Variants in COG5 observed in about 807,000 individuals in gnomAD.
COG5 encodes conserved oligomeric Golgi complex subunit 5.
A neutral mutation model predicts 110.4 loss-of-function variants in COG5; 86 were observed. The ratio of observed to expected loss-of-function variants is 0.78; its 90% CI spans 0.65 to 0.93. The LOEUF (loss-of-function observed/expected upper bound fraction) is 0.93. Among genes scored for constraint, COG5 ranks in the 40% least tolerant of loss-of-function variants. The pLI is 0.00. For missense variants in COG5, 1,077 were observed against 987.0 expected, an observed-to-expected ratio of 1.09 and a Z score of -1.22; for synonymous variants, 360 against 334.6, an observed-to-expected ratio of 1.08 and a Z score of -0.83.
chr7:107,335,158 G>A (rs1005380714), intron 10 of COG5, among the ~76,000 whole-genome samples: 4 of 152,160 alleles, frequency 2.6e-5, no homozygotes, highest in Admixed American at 6.5e-5. Context: ...TGTCATCTAA[G>A]TTGTCATCTC....
chr7:107,333,021 G>T (rs190654006), intron 10 of COG5, among the ~76,000 whole-genome samples: 3 of 152,224 alleles, frequency 2.0e-5, no homozygotes, highest in East Asian at 1.9e-4. Flanking sequence ...TTCTAAGTCA[G>T]TGTGCTTACT....
chr7:107,464,348 T>C (rs1216732582), intron 6 of COG5, among the ~76,000 whole-genome samples: 5 of 152,130 alleles, frequency 3.3e-5, no homozygotes, highest in Non-Finnish European at 1.5e-5. Context: ...TTTGTTGATA[T>C]AATAATAATT....
intron 10 of COG5, among the ~76,000 whole-genome samples, chr7:107,333,525 T>C (rs1810448717): frequency 6.6e-6 from 1 of 152,150 alleles, no homozygotes; most frequent in Non-Finnish European, 1.5e-5. Flanking sequence ...TGCAATCAAC[T>C]TTTTGTTTTA....
At chr7:107,326,753 G>A (rs900183143) in intron 10 of COG5, among the ~76,000 whole-genome samples, 1 of 152,110 alleles carries the variant, frequency 6.6e-6, no homozygotes, top group Non-Finnish European at 1.5e-5. Flanking sequence ...AAATCTCAAT[G>A]GCATTTTTGC....
chr7:107,548,130 G>A lies in COG5; in HGVS notation c.398C>T (p.Ala133Val). The A allele has an allele frequency of 6.2e-7, 1 of 1,613,620 alleles. No homozygotes were observed. Among genetic ancestry groups the A allele is most frequent in the African/African-American group, 1.3e-5 (1 of 75,020 alleles). Residue 133 changes from alanine (A) to valine (V), a missense_variant, in exon 5 of 22, where the codon GCA becomes GTA. Transcript: ENST00000297135. ...AACTACCTGAAGTCTTGCTAGTTGT[G>A]CAGTCCGGGCAACTATCTTATTGTA... ...EPYNKIVARTAQLARLQVACD... is the reference protein window; with the variant it reads ...EPYNKIVARTVQLARLQVACD...
intron 7 of COG5, among the ~76,000 whole-genome samples, chr7:107,373,999 T>G (rs1182350384): frequency 6.6e-6 from 1 of 152,204 alleles, no homozygotes; most frequent in African/African-American, 2.4e-5. Flanking sequence ...ACATGGCTGG[T>G]GAATAACAAT....
At chr7:107,311,315 GTC>G (rs1003904803) in intron 11 of COG5, among the ~76,000 whole-genome samples, 37 of 143,658 alleles carry the variant, frequency 2.6e-4, no homozygotes, top group African/African-American at 9.1e-4. Context: ...GAGAAATAAT[GTC>G]TCTCTGTACG....
chr7:107,426,537 T>C (rs533108210), intron 6 of COG5, among the ~76,000 whole-genome samples: 5 of 152,312 alleles, frequency 3.3e-5, no homozygotes, highest in South Asian at 4.1e-4. Context: ...TTCTGGGCTG[T>C]AGGCTTGTAT....
At chr7:107,243,886 C>A (rs1453232203) in intron 17 of COG5, among the ~76,000 whole-genome samples, 1 of 152,158 alleles carries the variant, frequency 6.6e-6, no homozygotes, top group Non-Finnish European at 1.5e-5. Context: ...CATGCAATTA[C>A]ATGGAAATTA....
intron 6 of COG5, among the ~76,000 whole-genome samples, chr7:107,508,141 G>T (rs1015166881): frequency 1.3e-5 from 2 of 152,250 alleles, no homozygotes; most frequent in African/African-American, 2.4e-5. Flanking sequence ...AAAGAAAGGG[G>T]TGACAGAAGG....
chr7:107,213,912 T>C (rs140289030), intron 19 of COG5, among the ~76,000 whole-genome samples: 2,212 of 152,212 alleles, frequency 0.015, 23 homozygotes, highest in Non-Finnish European at 0.023. Flanking sequence ...GCTCTAATAA[T>C]GGACCCTAAA....
At chr7:107,346,803 T>C (rs565824352) in intron 10 of COG5, among the ~76,000 whole-genome samples, 2 of 152,212 alleles carry the variant, frequency 1.3e-5, no homozygotes, top group East Asian at 3.9e-4. Flanking sequence ...GCTGCACCCA[T>C]TAACTTGTCA....
chr7:107,241,469 T>C (rs940326791), intron 17 of COG5, among the ~76,000 whole-genome samples: 1 of 150,304 alleles, frequency 6.7e-6, no homozygotes, highest in African/African-American at 2.4e-5. Flanking sequence ...TTATTTTTTT[T>C]TGATACAGAG....
At chr7:107,380,569 T>C (rs1010329610) in intron 7 of COG5, among the ~76,000 whole-genome samples, 1 of 151,984 alleles carries the variant, frequency 6.6e-6, no homozygotes, top group African/African-American at 2.4e-5. Context: ...CTAGAAGAAA[T>C]GGATAAATTC....
At chr7:107,241,761 T>C (rs117756583) in intron 17 of COG5, among the ~76,000 whole-genome samples, 2,264 of 152,170 alleles carry the variant, frequency 0.015, 28 homozygotes, top group Non-Finnish European at 0.022. Flanking sequence ...CTGTGCTTCA[T>C]ATATTTTTTA....
chr7:107,295,098 TA>T lies in COG5; in HGVS notation c.1313+3043del, dbSNP rs1264538266. On this transcript the variant is annotated intron_variant, in intron 12 of 21. Transcript: ENST00000297135. ...ATATATATATATATATATATATATATATATTTTTTTTTTTTTTTTGTAGAGT... is the reference window on the plus strand; with the variant it reads ...ATATATATATATATATATATATATATTATTTTTTTTTTTTTTTTGTAGAGT... Among the ~76,000 whole-genome samples the T allele has an allele frequency of 5.0e-3, 343 of 68,310 alleles. 1 individual carries two copies. The highest frequency in any genetic ancestry group is 0.013 in the African/African-American group (213 of 15,900). 44.8% of individuals were successfully genotyped at this position (68,310 alleles called of 152,430 possible).
At chr7:107,362,814 T>TAA (rs201643911) in intron 8 of COG5, among the ~76,000 whole-genome samples, 261 of 138,176 alleles carry the variant, frequency 1.9e-3, no homozygotes, top group African/African-American at 6.0e-3. Flanking sequence ...TCCCCTTTCT[T>TAA]AAAAAAAAAA....
intron 7 of COG5, among the ~76,000 whole-genome samples, chr7:107,395,262 G>A (rs1411509428): frequency 2.0e-5 from 3 of 152,046 alleles, no homozygotes; most frequent in Non-Finnish European, 4.4e-5. Context: ...GGGGTGGAAA[G>A]AAAAGTGGGG....
intron 3 of COG5, among the ~76,000 whole-genome samples, chr7:107,552,632 T>C (rs1289981010): frequency 6.6e-6 from 1 of 152,150 alleles, no homozygotes; most frequent in Non-Finnish European, 1.5e-5. Context: ...AAACAACAGA[T>C]GCTGGTGAGG....
Sources: allele counts gnomAD v4.1 joint callset (sites outside exome capture counted in the v4.1 genomes callset), GRCh38; gene constraint gnomAD v4.1.1; transcripts MANE v1.5; gene names NCBI Gene and HGNC (gene_info 2026-07-23, HGNC 2026-07-21).